The following RGS5 variants were observed in gnomAD, a reference collection of about 807,000 sequenced individuals.
RGS5 encodes the protein regulator of G protein signaling 5, also known as regulator of G-protein signalling 5.
Under a neutral mutation model 18.9 loss-of-function variants are expected in RGS5, and 20 were observed. The observed-to-expected ratio is 1.06, with a 90% CI of 0.74 to 1.54. The LOEUF is 1.54. Ranked by LOEUF, RGS5 falls within the 40% of genes most tolerant of loss-of-function variation. The pLI, the probability that RGS5 is intolerant of heterozygous loss-of-function variation, is 0.00. For missense variants in RGS5, 201 were observed against 211.8 expected, an observed-to-expected ratio of 0.95 and a Z score of 0.32; for synonymous variants, 57 against 76.2, an observed-to-expected ratio of 0.75 and a Z score of 1.31.
At chr1:163,237,959 C>T (rs1057402296) in intron 2 of RGS5, 6 of 154,192 alleles carry the variant, frequency 3.9e-5, no homozygotes, top group Middle Eastern at 6.2e-4. Flanking sequence ...CACAACTGAC[C>T]GGCAGAAAGA....
intron 1 of RGS5, among the ~76,000 whole-genome samples, chr1:163,197,004 G>C (rs988028846): frequency 2.0e-5 from 3 of 152,110 alleles, no homozygotes; most frequent in Admixed American, 2.0e-4. Flanking sequence ...TATCCTTTTA[G>C]TAATAAAATC....
Position 163,151,294 on chromosome 1 carries a change from G to A in RGS5, c.384+1256C>T, listed in dbSNP as rs571284671. ...AATATACCATTGTCCCAAGTACAGT[G>A]TAAATGGAAAAGTCCAAGTGGGGAA... On this transcript the variant is annotated intron_variant, in intron 4 of 4. Coordinates refer to ENST00000313961, the MANE Select transcript of RGS5 (RefSeq NM_003617.4). 6.6e-5 allele frequency among the ~76,000 whole-genome samples: 10 copies of A among 152,226 alleles called. No individual in the cohort carries two copies. In the South Asian group the frequency reaches 1.9e-3, roughly 28 times the overall value.
At chr1:163,299,850 T>C (rs1486264975) in intron 2 of RGS5, among the ~76,000 whole-genome samples, 2 of 152,236 alleles carry the variant, frequency 1.3e-5, no homozygotes, top group African/African-American at 4.8e-5. Context: ...ACAGTTTTCT[T>C]TCACCAATGG....
chr1:163,191,584 A>AC lies in RGS5; in HGVS notation c.44+11207dup, dbSNP rs1659357898. ...GCGTTTCTTATTATGCCATAGTCTA[A>AC]CCCATGGTCTCTGGCCATAAACTCT... On this transcript the variant is annotated intron_variant, in intron 1 of 4. Transcript: ENST00000313961. Among the ~76,000 whole-genome samples, 3 of 152,190 alleles carry AC rather than the reference A, an allele frequency of 2.0e-5. 1 individual carries two copies. In the South Asian group the frequency reaches 6.2e-4, roughly 31 times the overall value.
Position 163,202,859 on chromosome 1 carries a change from C to T in RGS5, c.-24G>A, listed in dbSNP as rs191882637. On this transcript the variant is annotated 5_prime_UTR_variant, in exon 1 of 5. Transcript: ENST00000313961. ...ATTTTGGCAGGTGGCTTAGCTCCTCCGCTTTAAGTACAACTTCTTAACAGC... is the reference window on the plus strand; with the variant it reads ...ATTTTGGCAGGTGGCTTAGCTCCTCTGCTTTAAGTACAACTTCTTAACAGC... The T allele has an allele frequency of 2.2e-4, 362 of 1,611,626 alleles. 3 individuals are homozygous for T. The African/African-American group carries it at 2.8e-3, about 12-fold the overall frequency.
At chr1:163,313,060 C>T (rs899014555) in intron 1 of RGS5, among the ~76,000 whole-genome samples, 2 of 152,086 alleles carry the variant, frequency 1.3e-5, no homozygotes, top group Non-Finnish European at 2.9e-5. Context: ...TACTAATTCC[C>T]CATATAACGT....
At chr1:163,314,768 G>A (rs1171415136) in intron 1 of RGS5, among the ~76,000 whole-genome samples, 4 of 152,116 alleles carry the variant, frequency 2.6e-5, no homozygotes, top group African/African-American at 9.7e-5. Context: ...TCATGAATGG[G>A]ACTAGTGCCC....
At chr1:163,171,459 A>G (rs570329963) in intron 1 of RGS5, among the ~76,000 whole-genome samples, 2 of 152,288 alleles carry the variant, frequency 1.3e-5, no homozygotes, top group African/African-American at 2.4e-5. Flanking sequence ...CCTTGACACA[A>G]TAGTCCACTC....
intron 2 of RGS5, among the ~76,000 whole-genome samples, chr1:163,273,730 T>C (rs1262191059): frequency 1.3e-5 from 2 of 152,160 alleles, no homozygotes; most frequent in South Asian, 2.1e-4. Context: ...CACTTTCTTG[T>C]TTCTTTCTAT....
At chr1:163,273,571 T>C (rs532474313) in intron 2 of RGS5, among the ~76,000 whole-genome samples, 4 of 152,160 alleles carry the variant, frequency 2.6e-5, no homozygotes, top group Non-Finnish European at 5.9e-5. Context: ...ATTGGGGTCA[T>C]TGCTATCATA....
chr1:163,289,632 T>C (rs1649230220), intron 2 of RGS5, among the ~76,000 whole-genome samples: 1 of 152,180 alleles, frequency 6.6e-6, no homozygotes, highest in African/African-American at 2.4e-5. Context: ...TCTTTCTGAA[T>C]CTTATATTTT....
intron 2 of RGS5, among the ~76,000 whole-genome samples, chr1:163,228,901 T>C (rs1371756102): frequency 1.3e-5 from 2 of 152,192 alleles, no homozygotes; most frequent in Non-Finnish European, 2.9e-5. Context: ...CTCATTTCCA[T>C]GTGAGACCAG....
At chr1:163,157,179 A>T (rs1035185260) in intron 3 of RGS5, among the ~76,000 whole-genome samples, 8 of 152,274 alleles carry the variant, frequency 5.3e-5, no homozygotes, top group African/African-American at 1.7e-4. Flanking sequence ...CCACATAAAA[A>T]CTTTGCTGCT....
At chr1:163,243,606 T>C (rs1384201864) in intron 2 of RGS5, among the ~76,000 whole-genome samples, 1 of 123,456 alleles carries the variant, frequency 8.1e-6, no homozygotes, top group East Asian at 2.3e-4. Flanking sequence ...ATGGCGCCAC[T>C]GCACCCCAGC....
intron 2 of RGS5, among the ~76,000 whole-genome samples, chr1:163,280,769 T>C (rs368834913): frequency 6.6e-6 from 1 of 151,940 alleles, no homozygotes; most frequent in Non-Finnish European, 1.5e-5. Flanking sequence ...ATAAAAAAAA[T>C]CCTAAAATTT....
At chr1:163,192,684 G>A (rs140724681) in intron 1 of RGS5, among the ~76,000 whole-genome samples, 144 of 152,292 alleles carry the variant, frequency 9.5e-4, no homozygotes, top group African/African-American at 3.3e-3. Flanking sequence ...GCACATGCAT[G>A]TGTGTGTTCA....
chr1:163,268,209 A>T (rs1648617182), intron 2 of RGS5, among the ~76,000 whole-genome samples: 1 of 152,114 alleles, frequency 6.6e-6, no homozygotes, highest in African/African-American at 2.4e-5. Context: ...GACACAAACA[A>T]TACCCTCCTT....
rs148165074 is a variant in RGS5, at chr1:163,163,039, CGG to C, written c.156-1065_156-1064del. On this transcript the variant is annotated intron_variant, in intron 2 of 4. Transcript: ENST00000313961. ...TTCTAGTTTTTATACAATGATATTT[CGG>C]GGGGGGGGGTGGTTAATTATTCAGA... 1.1e-3 allele frequency among the ~76,000 whole-genome samples: 139 copies of C among 132,010 alleles called. 2 individuals are homozygous for C. Among genetic ancestry groups the C allele is most frequent in the Middle Eastern group, 4.0e-3 (1 of 248 alleles). 86.6% of individuals were successfully genotyped at this position (132,010 alleles called of 152,430 possible).
At chr1:163,256,522 C>T (rs1028653577) in intron 2 of RGS5, among the ~76,000 whole-genome samples, 3 of 152,114 alleles carry the variant, frequency 2.0e-5, no homozygotes, top group East Asian at 1.9e-4. Context: ...TTGGCAGATA[C>T]GCATTCATCC....
Sources: allele counts gnomAD v4.1 joint callset (sites outside exome capture counted in the v4.1 genomes callset), GRCh38; gene constraint gnomAD v4.1.1; transcripts MANE v1.5; gene names NCBI Gene and HGNC (gene_info 2026-07-23, HGNC 2026-07-21).